Variants in SBF2 observed in about 807,000 individuals in gnomAD.
SBF2 encodes myotubularin-related protein 13.
Under a neutral mutation model 225.2 loss-of-function variants are expected in SBF2, and 112 were observed. That is an observed-to-expected ratio of 0.50 (90% CI 0.43 to 0.58). The LOEUF (loss-of-function observed/expected upper bound fraction) is 0.58, where lower values mean the gene tolerates loss of function less well. Ranked by LOEUF, SBF2 falls within the 20% of genes least tolerant of loss-of-function variation. SBF2 has a pLI of 0.00. For missense variants in SBF2, 1,996 were observed against 2,206.2 expected, an observed-to-expected ratio of 0.90 and a Z score of 1.91; for synonymous variants, 763 against 773.3, an observed-to-expected ratio of 0.99 and a Z score of 0.22.
intron 2 of SBF2, among the ~76,000 whole-genome samples, chr11:10,103,559 A>G (rs568465528): frequency 6.6e-6 from 1 of 152,322 alleles, no homozygotes; most frequent in African/African-American, 2.4e-5. Flanking sequence ...ACCTGTGGCT[A>G]AGACTTTTTG....
In SBF2 at chr11:9,845,700, A is replaced by T. The variant is rs1389833511; in HGVS notation, c.2975T>A (p.Val992Glu). Residue 992 changes from valine (V) to glutamate (E), a missense_variant, in exon 24 of 40, where the codon GTA becomes GAA. Physicochemically the swap from Val to Glu is moderately radical, Grantham distance 121 (BLOSUM62 -2). Coordinates refer to ENST00000256190, the MANE Select transcript of SBF2 (RefSeq NM_030962.4). The part of the protein sequence containing the change: ...VAFDEEVSPE[V>E]VEIFKKQLMK... Reference sequence around the variant, plus strand: ...CAGCTGTTTCTTAAAGATCTCTACTACTTCTGGACTGACTTCTTCATCAAA... The same window carrying T: ...CAGCTGTTTCTTAAAGATCTCTACTTCTTCTGGACTGACTTCTTCATCAAA... The T allele has an allele frequency of 6.2e-7, 1 of 1,613,742 alleles. No individual in the cohort carries two copies. The highest frequency in any genetic ancestry group is 1.3e-5 in the African/African-American group (1 of 74,884).
chr11:10,274,064 T>C (rs1033615256), intron 1 of SBF2, among the ~76,000 whole-genome samples: 1 of 152,226 alleles, frequency 6.6e-6, no homozygotes, highest in African/African-American at 2.4e-5. Context: ...TTTAGAAAAG[T>C]TTTATTTCAC....
chr11:9,942,938 A>G (rs961666585), intron 16 of SBF2, among the ~76,000 whole-genome samples: 5 of 146,200 alleles, frequency 3.4e-5, no homozygotes, highest in Admixed American at 1.4e-4. Context: ...AAAGAAAGAA[A>G]GAAGGAAGGA....
chr11:10,228,075 T>C (rs565288153), intron 1 of SBF2, among the ~76,000 whole-genome samples: 140 of 151,856 alleles, frequency 9.2e-4, no homozygotes, highest in African/African-American at 3.0e-3. Context: ...TTTATTCTCT[T>C]TGAAGCAATT....
At chr11:9,896,792 A>C (rs1382726142) in intron 16 of SBF2, among the ~76,000 whole-genome samples, 1 of 151,648 alleles carries the variant, frequency 6.6e-6, no homozygotes, top group Non-Finnish European at 1.5e-5. Context: ...CCGTCTCAAA[A>C]AAAAAAAAAG....
intron 2 of SBF2, among the ~76,000 whole-genome samples, chr11:10,101,708 ATATT>A (rs1952312917): frequency 6.6e-6 from 1 of 151,386 alleles, no homozygotes; most frequent in African/African-American, 2.4e-5. Context: ...GTAAATGTCA[ATATT>A]TATCTCCTCT....
chr11:10,026,209 G>A (rs143248308), intron 6 of SBF2, among the ~76,000 whole-genome samples: 140 of 151,980 alleles, frequency 9.2e-4, no homozygotes, highest in Non-Finnish European at 1.5e-3. Context: ...GACCACAGAG[G>A]TTTATAAGGT....
intron 6 of SBF2, among the ~76,000 whole-genome samples, chr11:10,004,957 C>T (rs1480735968): frequency 1.3e-5 from 2 of 152,160 alleles, no homozygotes; most frequent in East Asian, 1.9e-4. Flanking sequence ...CTCACTGTTA[C>T]AGCAGGTAGC....
rs754190425 is a variant in SBF2 at position 9,858,191 on chromosome 11, T to C, written c.2100+35A>G. On this transcript the variant is annotated intron_variant, in intron 18 of 39. Coordinates refer to ENST00000256190, the MANE Select transcript of SBF2 (RefSeq NM_030962.4). ...GCTTTCCTTAAAGCCAGAATCCTAA[T>C]CCCACACAATTAGAGTTCTTTTCTT... 2.5e-6 allele frequency: 4 copies of C among 1,612,372 alleles called. No individual in the cohort carries two copies. The African/African-American group carries it at 4.0e-5, about 16-fold the overall frequency.
At chr11:10,253,347 C>G (rs1036584442) in intron 1 of SBF2, among the ~76,000 whole-genome samples, 5 of 152,016 alleles carry the variant, frequency 3.3e-5, no homozygotes, top group African/African-American at 1.2e-4. Context: ...TTTCTGAAAG[C>G]CTGTCTTTTT....
intron 2 of SBF2, among the ~76,000 whole-genome samples, chr11:10,072,428 A>G (rs959954432): frequency 6.6e-6 from 1 of 152,232 alleles, no homozygotes; most frequent in African/African-American, 2.4e-5. Flanking sequence ...TAAGAGTCAG[A>G]AATCTTATGT....
At chr11:10,298,229 A>G (rs1964565888), upstream of SBF2, among the ~76,000 whole-genome samples, 2 of 152,130 alleles carry the variant, frequency 1.3e-5, 1 homozygote, top group South Asian at 4.1e-4. Flanking sequence ...TGTCTCTACT[A>G]AAAACACAAA....
At chr11:10,063,548 C>G (rs1036834705) in intron 2 of SBF2, among the ~76,000 whole-genome samples, 3 of 151,080 alleles carry the variant, frequency 2.0e-5, no homozygotes, top group Non-Finnish European at 4.4e-5. Flanking sequence ...TTAGTAGAGA[C>G]GGGTTTCATC....
At chr11:9,787,190 G>A (rs911350310) in intron 36 of SBF2, among the ~76,000 whole-genome samples, 2 of 152,166 alleles carry the variant, frequency 1.3e-5, no homozygotes, top group Admixed American at 1.3e-4. Flanking sequence ...CACCGCACCC[G>A]GCCGTTAAAA....
chr11:10,082,377 T>C (rs1951401656), intron 2 of SBF2, among the ~76,000 whole-genome samples: 1 of 152,148 alleles, frequency 6.6e-6, no homozygotes, highest in African/African-American at 2.4e-5. Flanking sequence ...ACTCATTCTA[T>C]GATGCCAGTA....
At chr11:10,236,033 C>A (rs1197230136) in intron 1 of SBF2, among the ~76,000 whole-genome samples, 2 of 151,864 alleles carry the variant, frequency 1.3e-5, no homozygotes, top group African/African-American at 4.8e-5. Flanking sequence ...ATTCTACCAC[C>A]ACACTCCAGC....
At chr11:9,849,075 C>T (rs11042511) in intron 22 of SBF2, among the ~76,000 whole-genome samples, 34,487 of 152,136 alleles carry the variant, frequency 0.23, 4,314 homozygotes, top group Middle Eastern at 0.28. Flanking sequence ...GGTTCTCAAT[C>T]ACAATCACTT....
intron 29 of SBF2, among the ~76,000 whole-genome samples, chr11:9,814,013 C>T (rs1319628462): frequency 2.0e-5 from 3 of 152,050 alleles, no homozygotes. Flanking sequence ...TATTTTTTCA[C>T]TTAATATATG....
chr11:9,856,922 G>C (rs56184179), intron 18 of SBF2, among the ~76,000 whole-genome samples: 147 of 151,754 alleles, frequency 9.7e-4, no homozygotes, highest in Non-Finnish European at 1.8e-3. Flanking sequence ...CGAGTAGCTG[G>C]GACTACAGTC....
Sources: gnomAD v4.1 joint callset for allele counts (sites outside exome capture counted in the v4.1 genomes callset) on GRCh38, gnomAD v4.1.1 for gene constraint, MANE v1.5 for transcripts, NCBI Gene and HGNC (gene_info 2026-07-23, HGNC 2026-07-21) for gene names.